Variants in DLG1 observed in about 807,000 individuals in gnomAD.
DLG1 encodes the protein disks large homolog 1.
Under a neutral mutation model 123.4 loss-of-function variants are expected in DLG1, and 42 were observed. The observed-to-expected ratio is 0.34, with a 90% CI of 0.27 to 0.44. The LOEUF (loss-of-function observed/expected upper bound fraction) is 0.44. DLG1 is among the 20% of genes least tolerant of loss of function. DLG1 has a pLI of 1.00. For missense variants in DLG1, 942 were observed against 1,082.6 expected (o/e 0.87, Z 1.82); for synonymous variants, 317 against 356.2 (o/e 0.89, Z 1.24).
At chr3:197,101,638 C>T (rs1256939700) in intron 14 of DLG1, among the ~76,000 whole-genome samples, 1 of 152,160 alleles carries the variant, frequency 6.6e-6, no homozygotes, top group East Asian at 1.9e-4. Context: ...ATCTGCCCGC[C>T]TAGGCCTCCC....
chr3:197,050,642 A>G (rs183824397), intron 24 of DLG1, among the ~76,000 whole-genome samples: 2 of 152,314 alleles, frequency 1.3e-5, no homozygotes, highest in African/African-American at 4.8e-5. Context: ...ATAGAAACAG[A>G]GAGGTGGTTT....
intron 3 of DLG1, among the ~76,000 whole-genome samples, chr3:197,291,129 T>A (rs1774641080): frequency 6.6e-6 from 1 of 152,118 alleles, no homozygotes; most frequent in South Asian, 2.1e-4. Context: ...AGATTCAACA[T>A]AATCAAAACA....
chr3:197,140,004 T>C, intron 8 of DLG1, 136 bp downstream of exon 8: 1 of 884,820 alleles, frequency 1.1e-6, no homozygotes, highest in Non-Finnish European at 1.7e-6. Context: ...TTCATTGACT[T>C]GAATGTTGTT....
chr3:197,113,694 A>G (rs925178869), intron 13 of DLG1, among the ~76,000 whole-genome samples: 2 of 152,090 alleles, frequency 1.3e-5, no homozygotes, highest in African/African-American at 4.8e-5. Context: ...CCAAGCCGAC[A>G]ATTTCTGTAT....
At chr3:197,114,904 C>T (rs1214409924) in intron 13 of DLG1, among the ~76,000 whole-genome samples, 2 of 148,408 alleles carry the variant, frequency 1.3e-5, no homozygotes, top group South Asian at 4.3e-4. Context: ...GGCATGAACC[C>T]GGGAGGCGGA....
intron 4 of DLG1, among the ~76,000 whole-genome samples, chr3:197,218,910 T>C (rs1735440420): frequency 6.6e-6 from 1 of 152,140 alleles, no homozygotes; most frequent in Non-Finnish European, 1.5e-5. Flanking sequence ...GGCGGGCGGA[T>C]CACCTGAGGT....
Position 197,097,723 on chromosome 3 carries a change from G to C in DLG1, c.1547-6697C>G, listed in dbSNP as rs1322644455. Among the ~76,000 whole-genome samples, 4 of 151,724 alleles carry C rather than the reference G, an allele frequency of 2.6e-5. No homozygotes were observed. The East Asian group carries it at 7.7e-4, about 29-fold the overall frequency. On this transcript the variant is annotated intron_variant, in intron 14 of 24. Transcript: ENST00000667157. ...AGCCTCCTGAGTAGCTGGGATTACA[G>C]GCGTGCACCACCACGCCCAGCTAAT...
intron 5 of DLG1, among the ~76,000 whole-genome samples, chr3:197,150,460 T>C (rs1793313530): frequency 6.6e-6 from 1 of 152,104 alleles, no homozygotes; most frequent in Non-Finnish European, 1.5e-5. Context: ...TTAGAAATTA[T>C]TATGTATATG....
At chr3:197,218,769 A>C (rs1224615360) in intron 4 of DLG1, among the ~76,000 whole-genome samples, 1 of 152,244 alleles carries the variant, frequency 6.6e-6, no homozygotes, top group Non-Finnish European at 1.5e-5. Context: ...AGCCCACTTA[A>C]CACAACATAC....
chr3:197,068,687 C>G, intron 19 of DLG1: 2 of 542,200 alleles, frequency 3.7e-6, no homozygotes, highest in Non-Finnish European at 3.3e-6. Flanking sequence ...TTAATAAAAC[C>G]AAGAATGTAA....
intron 4 of DLG1, among the ~76,000 whole-genome samples, chr3:197,234,594 TG>T (rs1330372166): frequency 6.6e-6 from 1 of 152,188 alleles, no homozygotes; most frequent in Non-Finnish European, 1.5e-5. Context: ...AAACTAACCT[TG>T]GACTAAAATT....
chr3:197,092,174 T>C (rs567223061), intron 14 of DLG1, among the ~76,000 whole-genome samples: 2 of 152,316 alleles, frequency 1.3e-5, no homozygotes, highest in South Asian at 4.1e-4. Context: ...AGCTAAACTA[T>C]AGACTGATGA....
chr3:197,152,166 G>A (rs888186429), intron 5 of DLG1, among the ~76,000 whole-genome samples: 8 of 152,150 alleles, frequency 5.3e-5, no homozygotes, highest in African/African-American at 1.7e-4. Flanking sequence ...TCTTTTCACA[G>A]ATGGAGAAAA....
chr3:197,142,546 G>T (rs1183816826), intron 7 of DLG1, among the ~76,000 whole-genome samples, 172 bp downstream of exon 7: 2 of 152,026 alleles, frequency 1.3e-5, no homozygotes, highest in Non-Finnish European at 2.9e-5. Flanking sequence ...AAAAAAATAA[G>T]GTTACTAAAG....
chr3:197,212,636 C>T (rs1259752663), intron 4 of DLG1, among the ~76,000 whole-genome samples: 1 of 152,218 alleles, frequency 6.6e-6, no homozygotes, highest in Middle Eastern at 3.2e-3. Flanking sequence ...GTCTCTTTGA[C>T]CAAATTCTTC....
intron 14 of DLG1, among the ~76,000 whole-genome samples, chr3:197,096,327 A>C (rs1422978224): frequency 6.6e-6 from 1 of 152,206 alleles, no homozygotes; most frequent in Non-Finnish European, 1.5e-5. Context: ...CATATATATT[A>C]ATTTGGTCAA....
intron 20 of DLG1, 100 bp from the exon 21 acceptor site, chr3:197,065,909 A>G: frequency 2.8e-6 from 2 of 716,578 alleles, no homozygotes; most frequent in Non-Finnish European, 4.5e-6. Flanking sequence ...TGTTATGACT[A>G]ATTTTTTTCT....
At chr3:197,094,601 T>C (rs917950633) in intron 14 of DLG1, among the ~76,000 whole-genome samples, 4 of 152,208 alleles carry the variant, frequency 2.6e-5, no homozygotes, top group Admixed American at 6.5e-5. Flanking sequence ...TCAGAGCATA[T>C]AGCTTTTTCA....
chr3:197,262,493 A>G lies in DLG1; in HGVS notation c.318+20186T>C, dbSNP rs1759850124. On this transcript the variant is annotated intron_variant, in intron 4 of 24. Coordinates refer to ENST00000667157, the MANE Select transcript of DLG1 (RefSeq NM_001366207.1). The stretch of plus-strand genomic sequence containing the variant: ...TTCCCTGAGTTCTGTAAGCCATCCT[A>G]GCAAATTAACCAAACCCAAGGAAGG... 2.0e-5 allele frequency among the ~76,000 whole-genome samples: 3 copies of G among 152,186 alleles called. No individual in the cohort carries two copies. The South Asian group carries it at 6.2e-4, about 32-fold the overall frequency.
Sources: allele counts gnomAD v4.1 joint callset (sites outside exome capture counted in the v4.1 genomes callset), GRCh38; gene constraint gnomAD v4.1.1; transcripts MANE v1.5; gene names NCBI Gene and HGNC (gene_info 2026-07-23, HGNC 2026-07-21).